Variants in TLE1 observed in about 807,000 individuals in gnomAD.
TLE1 encodes TLE family member 1, transcriptional corepressor, also known as transducin-like enhancer protein 1.
In TLE1, 21 loss-of-function variants were observed where a neutral mutation model predicts 89.8. The ratio of observed to expected loss-of-function variants is 0.23; its 90% CI spans 0.17 to 0.34. The LOEUF (loss-of-function observed/expected upper bound fraction) is 0.34, where lower values mean the gene tolerates loss of function less well. Among genes scored for constraint, TLE1 ranks in the 10% least tolerant of loss-of-function variants. The pLI is 1.00. For synonymous variants in TLE1, 447 were observed against 407.6 expected (o/e 1.10, Z -1.16); for missense variants, 795 against 1,031.2 (o/e 0.77, Z 3.14).
chr9:81,654,052 C>G lies in TLE1; in HGVS notation c.235-16G>C, dbSNP rs1429562391. On this transcript the variant is annotated splice_polypyrimidine_tract_variant and intron_variant, in intron 4 of 19. Transcript: ENST00000376499. ...CGATTTCAGTCTATAAAGACAAAGCCACACAAATGTTTAGAATACTTCACA... is the reference window on the plus strand; with the variant it reads ...CGATTTCAGTCTATAAAGACAAAGCGACACAAATGTTTAGAATACTTCACA... 1.2e-6 allele frequency: 2 copies of G among 1,613,446 alleles called. No individual in the cohort carries two copies. Among genetic ancestry groups the G allele is most frequent in the Admixed American group, 3.3e-5 (2 of 59,992 alleles).
At position 81,592,912 on chromosome 9, in the gene TLE1, AG is replaced by A. The variant is rs1165686345; in HGVS notation, c.1581+112del. On this transcript the variant is annotated intron_variant, in intron 15 of 19. Coordinates refer to ENST00000376499, the MANE Select transcript of TLE1 (RefSeq NM_005077.5). Reference sequence around the variant, plus strand: ...GGGTTAAATAACCAACACAGGAAACAGAAGGGGCTTCTATTTCCTCATAATG... The same window carrying A: ...GGGTTAAATAACCAACACAGGAAACAAAGGGGCTTCTATTTCCTCATAATG... The A allele has an allele frequency of 3.2e-5, 45 of 1,424,598 alleles. No homozygotes were observed. In the East Asian group the frequency reaches 1.1e-3, roughly 33 times the overall value. The allele number at this position is 1,424,598 out of a possible 1,614,324, so 88.2% of individuals were successfully genotyped here.
intron 4 of TLE1, among the ~76,000 whole-genome samples, chr9:81,659,959 C>T (rs948235704): frequency 3.3e-5 from 5 of 152,148 alleles, no homozygotes; most frequent in Non-Finnish European, 5.9e-5. Context: ...TCCCCCATAA[C>T]GCCAATAAAC....
At chr9:81,607,337 T>TACACACAC (rs3063325) in intron 14 of TLE1, among the ~76,000 whole-genome samples, 112 of 150,382 alleles carry the variant, frequency 7.4e-4, no homozygotes, top group African/African-American at 2.7e-3. Flanking sequence ...ACCCTGTTAA[T>TACACACAC]ACACACACAC....
intron 8 of TLE1, among the ~76,000 whole-genome samples, chr9:81,625,779 C>T (rs889178807): frequency 6.6e-6 from 1 of 151,910 alleles, no homozygotes; most frequent in African/African-American, 2.4e-5. Flanking sequence ...TAGCAAAGAC[C>T]CAGCCACTTC....
intron 6 of TLE1, among the ~76,000 whole-genome samples, chr9:81,642,215 CTA>C (rs1206899657): frequency 6.6e-6 from 1 of 152,140 alleles, no homozygotes; most frequent in Admixed American, 6.6e-5. Flanking sequence ...AAAAATAGAA[CTA>C]CTTTCTCAAA....
Position 81,600,910 on chromosome 9 carries a change from C to A in TLE1, c.1332-7636G>T, listed in dbSNP as rs12684630. The stretch of plus-strand genomic sequence containing the variant: ...AGCTGGAACATCTACCTGCTGCTCT[C>A]GATTATCAGTGCTACTGGTTCTCAG... On this transcript the variant is annotated intron_variant, in intron 14 of 19. Transcript: ENST00000376499. 5.9e-5 allele frequency among the ~76,000 whole-genome samples: 9 copies of A among 152,134 alleles called. No individual in the cohort carries two copies. In the East Asian group the frequency reaches 1.3e-3, roughly 23 times the overall value.
intron 14 of TLE1, among the ~76,000 whole-genome samples, chr9:81,594,392 T>A (rs1385729000): frequency 6.6e-6 from 1 of 152,062 alleles, no homozygotes; most frequent in Admixed American, 6.6e-5. Context: ...GGGACATGGA[T>A]GAAACTGGAA....
intron 4 of TLE1, among the ~76,000 whole-genome samples, chr9:81,680,148 T>C (rs1588247616): frequency 6.6e-6 from 1 of 152,216 alleles, no homozygotes; most frequent in African/African-American, 2.4e-5. Flanking sequence ...AACAGACTTT[T>C]GTCTAGTCTA....
intron 14 of TLE1, 65 bp downstream of exon 14, chr9:81,610,155 G>A (rs1338987269): frequency 5.0e-6 from 7 of 1,405,718 alleles, no homozygotes; most frequent in Non-Finnish European, 6.0e-6. Flanking sequence ...TGGAATTCTA[G>A]TCTGCTAATA....
chr9:81,585,777 T>C, intron 17 of TLE1, 122 bp from the exon 18 acceptor site: 1 of 1,269,440 alleles, frequency 7.9e-7, no homozygotes, highest in African/African-American at 1.5e-5. Context: ...GTCCAGACTG[T>C]GGGGAGGTCC....
intron 16 of TLE1, among the ~76,000 whole-genome samples, chr9:81,590,054 C>T (rs1341538251): frequency 6.6e-6 from 1 of 152,214 alleles, no homozygotes; most frequent in Non-Finnish European, 1.5e-5. Context: ...ACTGCACCAT[C>T]CGCAGGGACG....
chr9:81,606,940 T>C (rs974794474), intron 14 of TLE1, among the ~76,000 whole-genome samples: 1 of 151,778 alleles, frequency 6.6e-6, no homozygotes. Context: ...AAATATATTT[T>C]AGGCCAGGCA....
intron 4 of TLE1, among the ~76,000 whole-genome samples, chr9:81,661,022 C>G (rs984773822): frequency 6.7e-6 from 1 of 150,016 alleles, no homozygotes; most frequent in Non-Finnish European, 1.5e-5. Context: ...TCCAGCTACT[C>G]AGAAGCCTGA....
chr9:81,619,692 C>G (rs1824988794), intron 9 of TLE1, among the ~76,000 whole-genome samples: 1 of 152,250 alleles, frequency 6.6e-6, no homozygotes. Flanking sequence ...CAGGGACACA[C>G]AGGCAACTCC....
intron 4 of TLE1, 94 bp from the exon 5 acceptor site, chr9:81,654,130 C>T (rs1358631581): frequency 8.8e-7 from 1 of 1,137,148 alleles, no homozygotes; most frequent in South Asian, 1.3e-5. Flanking sequence ...TCCTCCTCTC[C>T]CTTGCTCTGG....
intron 6 of TLE1, among the ~76,000 whole-genome samples, chr9:81,640,133 C>A (rs555934619): frequency 2.0e-5 from 3 of 152,220 alleles, no homozygotes; most frequent in South Asian, 2.1e-4. Context: ...GCCCTCACCA[C>A]AGAGAATTAT....
intron 15 of TLE1, 106 bp from the exon 16 acceptor site, chr9:81,591,158 G>A: frequency 6.9e-7 from 1 of 1,440,078 alleles, no homozygotes. Flanking sequence ...GGTGTTTCAT[G>A]GACACTCTAA....
In TLE1 at chr9:81,593,018, C is replaced by A; in HGVS notation, c.1581+7G>T. On this transcript the variant is annotated splice_region_variant and intron_variant, in intron 15 of 19. Coordinates refer to ENST00000376499, the MANE Select transcript of TLE1 (RefSeq NM_005077.5). ...TTGCCCTTGTGCACCAGTTCCTGTT[C>A]ACTCACCAGACAGTCGAGCTGGGAG... The A allele has an allele frequency of 6.2e-7, 1 of 1,610,026 alleles. No individual in the cohort carries two copies.
At chr9:81,637,498 A>G (rs1367461472) in intron 6 of TLE1, among the ~76,000 whole-genome samples, 4 of 152,218 alleles carry the variant, frequency 2.6e-5, no homozygotes, top group Non-Finnish European at 1.5e-5. Context: ...ATCTATCAAC[A>G]GCAACATTCA....
Sources: gnomAD v4.1 joint callset for allele counts (sites outside exome capture counted in the v4.1 genomes callset) on GRCh38, gnomAD v4.1.1 for gene constraint, MANE v1.5 for transcripts, NCBI Gene and HGNC (gene_info 2026-07-23, HGNC 2026-07-21) for gene names.